Variants in GALNT13 observed in about 807,000 individuals in gnomAD.
GALNT13 encodes the protein polypeptide N-acetylgalactosaminyltransferase 13, also known as UDP-GalNAc:polypeptide N-acetylgalactosaminyltransferase 13.
Under a neutral mutation model 64.2 loss-of-function variants are expected in GALNT13, and 28 were observed. The observed-to-expected ratio is 0.44, with a 90% CI of 0.32 to 0.60. The LOEUF (loss-of-function observed/expected upper bound fraction) is 0.60. Ranked by LOEUF, GALNT13 falls within the 20% of genes least tolerant of loss-of-function variation. The probability of loss-of-function intolerance (pLI) is 0.05; values close to 1 mark genes in which losing one functional copy is unlikely to be tolerated. For missense variants in GALNT13, 577 were observed against 669.8 expected (o/e 0.86, Z 1.53); for synonymous variants, 214 against 224.6 (o/e 0.95, Z 0.42).
the GALNT13 span, among the ~76,000 whole-genome samples, chr2:153,656,339 T>TGTGTGTGTGTGTGTGTGTGC: frequency 7.1e-6 from 1 of 141,474 alleles, no homozygotes; most frequent in Admixed American, 7.1e-5. Flanking sequence ...TGTGTGTGTG[T>TGTGTGTGTGTGTGTGTGTGC]GCGCGCGCAC....
At chr2:153,127,132 G>A in the GALNT13 span, among the ~76,000 whole-genome samples, 1 of 151,402 alleles carries the variant, frequency 6.6e-6, no homozygotes, top group Admixed American at 6.6e-5. Context: ...CGTTGGCATG[G>A]ACAATGGAGT....
At chr2:153,275,881 G>T in the GALNT13 span, among the ~76,000 whole-genome samples, 1 of 152,118 alleles carries the variant, frequency 6.6e-6, no homozygotes. Context: ...TTGATACAAT[G>T]AAATTATCAG....
At chr2:153,136,572 A>T in the GALNT13 span, among the ~76,000 whole-genome samples, 6 of 152,096 alleles carry the variant, frequency 3.9e-5, no homozygotes, top group Non-Finnish European at 8.8e-5. Context: ...TTTTTCAGCC[A>T]CTCAGCTAAA....
At chr2:154,123,220 A>G (rs1682057982) in intron 3 of GALNT13, among the ~76,000 whole-genome samples, 1 of 152,074 alleles carries the variant, frequency 6.6e-6, no homozygotes, top group African/African-American at 2.4e-5. Context: ...AAATGGGACT[A>G]TGGTGAACAG....
chr2:154,099,093 A>G (rs954428405), intron 3 of GALNT13, among the ~76,000 whole-genome samples: 34 of 151,968 alleles, frequency 2.2e-4, no homozygotes, highest in African/African-American at 8.2e-4. Flanking sequence ...TTGCTTTTTG[A>G]CTTTTTAATA....
chr2:153,594,852 A>G, the GALNT13 span, among the ~76,000 whole-genome samples: 1 of 152,112 alleles, frequency 6.6e-6, no homozygotes, highest in Non-Finnish European at 1.5e-5. Context: ...AAACAAATAC[A>G]TTCTCAAGCA....
chr2:153,293,375 A>G, the GALNT13 span, among the ~76,000 whole-genome samples: 1 of 152,144 alleles, frequency 6.6e-6, no homozygotes, highest in Non-Finnish European at 1.5e-5. Context: ...CAGAGAAGAT[A>G]TGAAGATCGA....
At chr2:153,282,293 C>T in the GALNT13 span, among the ~76,000 whole-genome samples, 1 of 152,056 alleles carries the variant, frequency 6.6e-6, no homozygotes, top group South Asian at 2.1e-4. Flanking sequence ...TTAGAAGTTT[C>T]TTTGTGTTGA....
the GALNT13 span, among the ~76,000 whole-genome samples, chr2:153,664,486 C>T: frequency 6.6e-6 from 1 of 152,078 alleles, no homozygotes; most frequent in South Asian, 2.1e-4. Context: ...GTTTTACAAA[C>T]AATTTGTGCA....
chr2:153,562,381 G>A, the GALNT13 span, among the ~76,000 whole-genome samples: 1 of 151,806 alleles, frequency 6.6e-6, no homozygotes, highest in African/African-American at 2.4e-5. Context: ...ATTTGATAGT[G>A]ACAATCACTT....
the GALNT13 span, among the ~76,000 whole-genome samples, chr2:153,661,758 G>A: frequency 2.8e-4 from 42 of 152,204 alleles, no homozygotes; most frequent in East Asian, 7.5e-3. Context: ...TTCCAGCATA[G>A]TATATATAGA....
At chr2:154,059,950 C>T (rs1348868833) in intron 3 of GALNT13, among the ~76,000 whole-genome samples, 2 of 152,060 alleles carry the variant, frequency 1.3e-5, no homozygotes, top group Non-Finnish European at 2.9e-5. Context: ...CTCCAAAATT[C>T]ATATGTTGAA....
At chr2:153,373,336 A>G in the GALNT13 span, among the ~76,000 whole-genome samples, 1 of 152,310 alleles carries the variant, frequency 6.6e-6, no homozygotes, top group African/African-American at 2.4e-5. Context: ...TTATTAAAAA[A>G]TATGTATAAA....
chr2:153,101,033 C>A, the GALNT13 span, among the ~76,000 whole-genome samples: 1 of 152,004 alleles, frequency 6.6e-6, no homozygotes. Context: ...CAGAGTGAGA[C>A]TCTGTCTCAA....
At chr2:154,404,280 A>G (rs1259023481) in intron 10 of GALNT13, among the ~76,000 whole-genome samples, 1 of 152,146 alleles carries the variant, frequency 6.6e-6, no homozygotes, top group African/African-American at 2.4e-5. Context: ...AGATAAGTCT[A>G]TTCTGGAATT....
chr2:153,696,106 A>G, the GALNT13 span, among the ~76,000 whole-genome samples: 1 of 152,192 alleles, frequency 6.6e-6, no homozygotes, highest in Admixed American at 6.6e-5. Flanking sequence ...GGAGCAAGGA[A>G]GTCAGTCCGA....
the GALNT13 span, among the ~76,000 whole-genome samples, chr2:153,425,090 A>G: frequency 6.6e-6 from 1 of 151,810 alleles, no homozygotes; most frequent in Admixed American, 6.6e-5. Flanking sequence ...GGATATATTT[A>G]TGTTTACTAA....
chr2:154,307,248 C>T (rs1412576513), intron 9 of GALNT13, among the ~76,000 whole-genome samples: 1 of 151,962 alleles, frequency 6.6e-6, no homozygotes, highest in African/African-American at 2.4e-5. Context: ...ATAATCTTAC[C>T]CTCCAGGGCT....
intron 9 of GALNT13, among the ~76,000 whole-genome samples, chr2:154,357,632 T>C (rs1696825319): frequency 1.3e-5 from 2 of 152,084 alleles, no homozygotes; most frequent in Admixed American, 1.3e-4. Context: ...TTATCAAATA[T>C]TCTGATCCTC....
Sources: allele counts gnomAD v4.1 joint callset (sites outside exome capture counted in the v4.1 genomes callset), GRCh38; gene constraint gnomAD v4.1.1; transcripts MANE v1.5; gene names NCBI Gene and HGNC (gene_info 2026-07-23, HGNC 2026-07-21).